The following GPHN variants were observed in gnomAD, a reference collection of about 807,000 sequenced individuals.
GPHN encodes gephyrin.
GPHN carries 17 observed loss-of-function variants against 95.5 expected under a neutral mutation model. The ratio of observed to expected loss-of-function variants is 0.18; its 90% CI spans 0.12 to 0.27. The LOEUF (loss-of-function observed/expected upper bound fraction) is 0.27, where lower values mean the gene tolerates loss of function less well. GPHN is among the 10% of genes least tolerant of loss of function. The probability of loss-of-function intolerance (pLI) is 1.00; values close to 1 mark genes in which losing one functional copy is unlikely to be tolerated. For missense variants in GPHN, 660 were observed against 978.1 expected, an observed-to-expected ratio of 0.67 and a Z score of 4.34; for synonymous variants, 320 against 322.5, an observed-to-expected ratio of 0.99 and a Z score of 0.08.
chr14:67,534,351 GGAGGA>G, the GPHN span, among the ~76,000 whole-genome samples: 1 of 152,096 alleles, frequency 6.6e-6, no homozygotes, highest in Non-Finnish European at 1.5e-5. Context: ...AGCCAAGGCA[GGAGGA>G]GAGCTTGATG....
At chr14:66,945,047 G>C (rs189421552) in intron 8 of GPHN, among the ~76,000 whole-genome samples, 4 of 152,320 alleles carry the variant, frequency 2.6e-5, no homozygotes, top group African/African-American at 9.6e-5. Flanking sequence ...GACTTGCTTG[G>C]TACTTACCTT....
chr14:67,650,887 T>A, the GPHN span: 1 of 1,614,136 alleles, frequency 6.2e-7, no homozygotes, highest in South Asian at 1.1e-5. Context: ...GTTCACCAGA[T>A]GAATCAGAAA....
At chr14:67,176,286 A>G (rs1256208658) in intron 21 of GPHN, among the ~76,000 whole-genome samples, 3 of 152,148 alleles carry the variant, frequency 2.0e-5, no homozygotes. Context: ...TTTAGCATGA[A>G]GGGCTGTTGA....
Position 66,776,477 on chromosome 14 carries a change from A to G in GPHN, c.157A>G (p.Ile53Val), listed in dbSNP as rs745706077. ...TCCTAATTTCAGGTTGGGTGGGACT[A>G]TATCAGCATACAAGATAGTACCAGA... The part of the protein sequence containing the change: ...VQDPSLLGGT[I>V]SAYKIVPDEI... Residue 53 changes from isoleucine to valine, a missense_variant, in exon 3 of 23, where the codon ATA (isoleucine) becomes GTA (valine). Coordinates refer to ENST00000478722, the MANE Select transcript of GPHN (RefSeq NM_020806.5). 15 of 1,568,244 alleles carry G rather than the reference A, an allele frequency of 9.6e-6. No homozygotes were observed. The highest frequency in any genetic ancestry group is 3.3e-5 in the South Asian group (3 of 89,954).
chr14:66,767,375 G>C (rs1729376496), intron 2 of GPHN, among the ~76,000 whole-genome samples: 2 of 150,374 alleles, frequency 1.3e-5, no homozygotes, highest in South Asian at 2.1e-4. Context: ...AATCCAGGCT[G>C]CCAAGGAGTA....
chr14:66,817,685 G>C (rs2061031968), intron 3 of GPHN, among the ~76,000 whole-genome samples: 1 of 152,148 alleles, frequency 6.6e-6, no homozygotes, highest in South Asian at 2.1e-4. Flanking sequence ...GAGAATCTAA[G>C]CCTCACTCAG....
At chr14:67,052,679 A>C (rs1273798981) in intron 10 of GPHN, among the ~76,000 whole-genome samples, 1 of 152,156 alleles carries the variant, frequency 6.6e-6, no homozygotes, top group African/African-American at 2.4e-5. Flanking sequence ...TACTCCTAAA[A>C]AGATTGCATA....
chr14:67,191,713 G>A, the GPHN span, among the ~76,000 whole-genome samples: 1 of 152,190 alleles, frequency 6.6e-6, no homozygotes, highest in Admixed American at 6.5e-5. Flanking sequence ...AAGCCCTGAC[G>A]ACACCATGGA....
chr14:67,439,758 A>G, the GPHN span, among the ~76,000 whole-genome samples: 1 of 152,178 alleles, frequency 6.6e-6, no homozygotes, highest in African/African-American at 2.4e-5. Context: ...AATTTGTTCC[A>G]TTTTGAGATT....
At chr14:67,166,055 T>A (rs1451704945) in intron 20 of GPHN, among the ~76,000 whole-genome samples, 2 of 152,208 alleles carry the variant, frequency 1.3e-5, no homozygotes, top group Non-Finnish European at 2.9e-5. Context: ...GATTTACAAA[T>A]CTCATGGCTT....
intron 1 of GPHN, among the ~76,000 whole-genome samples, chr14:66,606,822 A>T (rs2062558342): frequency 6.6e-6 from 1 of 151,888 alleles, no homozygotes; most frequent in Non-Finnish European, 1.5e-5. Context: ...ATCCTTATTT[A>T]TCAGTTCCAG....
chr14:67,430,025 C>G, the GPHN span, among the ~76,000 whole-genome samples: 3 of 152,170 alleles, frequency 2.0e-5, no homozygotes, highest in Non-Finnish European at 4.4e-5. Context: ...TCTTTGACTC[C>G]AAAGTCGCTG....
At chr14:66,570,655 A>T (rs1385716928) in intron 1 of GPHN, among the ~76,000 whole-genome samples, 1 of 152,162 alleles carries the variant, frequency 6.6e-6, no homozygotes, top group Non-Finnish European at 1.5e-5. Flanking sequence ...ATTGACTCAA[A>T]GAATTGTTCT....
At chr14:67,400,301 G>C in the GPHN span, among the ~76,000 whole-genome samples, 3 of 152,208 alleles carry the variant, frequency 2.0e-5, no homozygotes, top group African/African-American at 7.2e-5. Flanking sequence ...TTCCATGAGA[G>C]GGTTCATGCA....
At chr14:67,316,882 G>T in the GPHN span, 4 of 1,611,946 alleles carry the variant, frequency 2.5e-6, no homozygotes, top group Non-Finnish European at 3.4e-6. Context: ...CATAGAAGAA[G>T]ATAAGGAGCC....
the GPHN span, among the ~76,000 whole-genome samples, chr14:67,291,346 G>A: frequency 0.15 from 23,467 of 151,532 alleles, 3,431 homozygotes; most frequent in East Asian, 0.43. Flanking sequence ...CTCCTGTCTC[G>A]CCTCCCGAGT....
At chr14:66,747,782 C>T (rs1026262196) in intron 2 of GPHN, among the ~76,000 whole-genome samples, 1 of 151,930 alleles carries the variant, frequency 6.6e-6, no homozygotes, top group East Asian at 1.9e-4. Flanking sequence ...TAAATGATTA[C>T]ATAAATTAAA....
chr14:66,702,966 A>G (rs1481350916), intron 2 of GPHN, among the ~76,000 whole-genome samples: 5 of 152,210 alleles, frequency 3.3e-5, no homozygotes, highest in African/African-American at 7.2e-5. Context: ...CTATGGAGCT[A>G]AAAAACACAG....
chr14:67,086,806 A>G (rs1403213974), intron 11 of GPHN, among the ~76,000 whole-genome samples: 1 of 151,646 alleles, frequency 6.6e-6, no homozygotes, highest in Non-Finnish European at 1.5e-5. Context: ...TGGGAGGCCA[A>G]GGTGGGCGGA....
Sources: gnomAD v4.1 joint callset for allele counts (sites outside exome capture counted in the v4.1 genomes callset) on GRCh38, gnomAD v4.1.1 for gene constraint, MANE v1.5 for transcripts, NCBI Gene and HGNC (gene_info 2026-07-23, HGNC 2026-07-21) for gene names.